Variants in KCNT2 observed in about 807,000 individuals in gnomAD.
KCNT2 encodes potassium sodium-activated channel subfamily T member 2, also known as potassium channel subfamily T member 2.
In KCNT2, 67 loss-of-function variants were observed where a neutral mutation model predicts 153.8. The observed-to-expected ratio is 0.44, with a 90% CI of 0.36 to 0.53. The LOEUF (loss-of-function observed/expected upper bound fraction) is 0.53, where lower values mean the gene tolerates loss of function less well. KCNT2 is among the 20% of genes least tolerant of loss of function. The pLI is 0.00. For missense variants in KCNT2, 975 were observed against 1,354.8 expected (o/e 0.72, Z 4.40); for synonymous variants, 500 against 458.8 (o/e 1.09, Z -1.15).
At chr1:196,466,813 C>A (rs1677659813) in intron 7 of KCNT2, among the ~76,000 whole-genome samples, 1 of 151,914 alleles carries the variant, frequency 6.6e-6, no homozygotes, top group Non-Finnish European at 1.5e-5. Context: ...AATGGAAATG[C>A]CTTACAGCTA....
At position 196,582,623 on chromosome 1, in the gene KCNT2, C is replaced by T. The variant is rs1457597806; in HGVS notation, c.95+25592G>A. On this transcript the variant is annotated intron_variant, in intron 1 of 27. Coordinates refer to ENST00000294725, the MANE Select transcript of KCNT2 (RefSeq NM_198503.5). ...TTCCCAATTTCTTCAGTCCTGGCCACTACCTTAGTGCCTCCACAAACACCC... is the reference window on the plus strand; with the variant it reads ...TTCCCAATTTCTTCAGTCCTGGCCATTACCTTAGTGCCTCCACAAACACCC... 2.6e-5 allele frequency: 4 copies of T among 154,256 alleles called. No homozygotes were observed. The East Asian group carries it at 7.7e-4, about 30-fold the overall frequency. The allele number at this position is 154,256 out of a possible 1,614,324, so 9.6% of individuals were successfully genotyped here.
chr1:196,487,921 A>G (rs975454722), intron 3 of KCNT2, among the ~76,000 whole-genome samples: 6 of 152,014 alleles, frequency 3.9e-5, no homozygotes, highest in Non-Finnish European at 5.9e-5. Context: ...GAGTTTGGAC[A>G]CAGTGATGAA....
intron 22 of KCNT2, among the ~76,000 whole-genome samples, chr1:196,287,723 C>T (rs1284075855): frequency 3.9e-5 from 6 of 151,970 alleles, no homozygotes; most frequent in East Asian, 1.9e-4. Flanking sequence ...GCGTTGAGAA[C>T]GTACTTTGTG....
intron 1 of KCNT2, among the ~76,000 whole-genome samples, chr1:196,586,285 T>A (rs1340292020): frequency 6.6e-6 from 1 of 152,026 alleles, no homozygotes; most frequent in Admixed American, 6.6e-5. Context: ...ATTAATTAAT[T>A]AATATGCATA....
intron 17 of KCNT2, among the ~76,000 whole-genome samples, chr1:196,333,308 C>G (rs1425106618): frequency 1.3e-5 from 2 of 151,784 alleles, no homozygotes; most frequent in Non-Finnish European, 2.9e-5. Flanking sequence ...TATAGATTGG[C>G]GTTCTATTAT....
chr1:196,328,750 A>G (rs1413368801), intron 18 of KCNT2, among the ~76,000 whole-genome samples: 3 of 152,054 alleles, frequency 2.0e-5, no homozygotes. Flanking sequence ...ATTCTCCACC[A>G]ATAGAATCTC....
At chr1:196,348,863 G>A (rs112017354) in intron 14 of KCNT2, among the ~76,000 whole-genome samples, 154 of 151,554 alleles carry the variant, frequency 1.0e-3, no homozygotes, top group Non-Finnish European at 2.1e-3. Context: ...CTGTCTCTAC[G>A]AAAAATACAA....
intron 8 of KCNT2, among the ~76,000 whole-genome samples, chr1:196,464,689 T>A (rs1018511221): frequency 6.6e-6 from 1 of 152,090 alleles, no homozygotes; most frequent in African/African-American, 2.4e-5. Flanking sequence ...AATGAATCCA[T>A]ATGTCCGGTG....
chr1:196,373,054 G>A, intron 14 of KCNT2, 86 bp downstream of exon 14: 1 of 686,436 alleles, frequency 1.5e-6, no homozygotes. Flanking sequence ...TGTATACGTA[G>A]GCCTTCTATA....
chr1:196,375,391 C>T (rs1447351323), intron 13 of KCNT2, among the ~76,000 whole-genome samples: 1 of 151,724 alleles, frequency 6.6e-6, no homozygotes, highest in Admixed American at 6.6e-5. Context: ...ATGCACTGTT[C>T]CTTTGTACAC....
At chr1:196,369,625 T>C (rs1668347541) in intron 14 of KCNT2, among the ~76,000 whole-genome samples, 1 of 152,120 alleles carries the variant, frequency 6.6e-6, no homozygotes. Context: ...GATTTCCAAT[T>C]TCATCCATGT....
At chr1:196,431,376 T>C (rs925071885) in intron 8 of KCNT2, among the ~76,000 whole-genome samples, 5 of 151,958 alleles carry the variant, frequency 3.3e-5, no homozygotes, top group Admixed American at 3.3e-4. Context: ...AAAGCCTAGA[T>C]TTTCAGTGTT....
At position 196,280,065 on chromosome 1, in the gene KCNT2, GA is replaced by G. The variant is rs532037796; in HGVS notation, c.2910+794del. On this transcript the variant is annotated intron_variant, in intron 25 of 27. Coordinates refer to ENST00000294725, the MANE Select transcript of KCNT2 (RefSeq NM_198503.5). ...TTGTAATAACTTTGAAGTGTCTGAAGAAAAAAAAATTCAAGAATACAAACCA... is the reference window on the plus strand; with the variant it reads ...TTGTAATAACTTTGAAGTGTCTGAAGAAAAAAAATTCAAGAATACAAACCA... Among the ~76,000 whole-genome samples the G allele has an allele frequency of 4.7e-3, 701 of 150,278 alleles. 4 individuals carry two copies. The highest frequency in any genetic ancestry group is 0.015 in the African/African-American group (631 of 40,972).
chr1:196,311,682 T>G (rs1358643461), intron 21 of KCNT2, among the ~76,000 whole-genome samples: 1 of 151,760 alleles, frequency 6.6e-6, no homozygotes, highest in Non-Finnish European at 1.5e-5. Flanking sequence ...TTTCCCCAGC[T>G]CCTAGGTAAA....
At chr1:196,401,013 AG>A (rs1249692748) in intron 12 of KCNT2, among the ~76,000 whole-genome samples, 6 of 151,840 alleles carry the variant, frequency 4.0e-5, no homozygotes, top group Admixed American at 2.0e-4. Flanking sequence ...GAACAACCAG[AG>A]CCACCAGACA....
At chr1:196,531,518 A>G (rs1049841479) in intron 1 of KCNT2, among the ~76,000 whole-genome samples, 5 of 152,106 alleles carry the variant, frequency 3.3e-5, no homozygotes, top group African/African-American at 1.2e-4. Context: ...ATAAGAATGT[A>G]TAGGAAATAC....
chr1:196,562,671 A>G (rs1014439552), intron 1 of KCNT2, among the ~76,000 whole-genome samples: 13 of 151,666 alleles, frequency 8.6e-5, no homozygotes, highest in African/African-American at 3.1e-4. Context: ...TTGATTTTGA[A>G]TTGATTACTA....
intron 5 of KCNT2, among the ~76,000 whole-genome samples, chr1:196,474,193 G>A (rs1474518357): frequency 6.6e-6 from 1 of 151,890 alleles, no homozygotes; most frequent in African/African-American, 2.4e-5. Flanking sequence ...AAAGAAACAT[G>A]GAACCTTGGA....
chr1:196,444,801 A>T (rs978550013), intron 8 of KCNT2, among the ~76,000 whole-genome samples: 6 of 151,410 alleles, frequency 4.0e-5, no homozygotes, highest in Non-Finnish European at 7.4e-5. Flanking sequence ...TGAGGTCATC[A>T]GTAAATCAAT....
Sources: gnomAD v4.1 joint callset for allele counts (sites outside exome capture counted in the v4.1 genomes callset) on GRCh38, gnomAD v4.1.1 for gene constraint, MANE v1.5 for transcripts, NCBI Gene and HGNC (gene_info 2026-07-23, HGNC 2026-07-21) for gene names.